CFAP221: variants seen among roughly 807,000 people sequenced by gnomAD.
The protein encoded by CFAP221 is cilia- and flagella-associated protein 221.
A neutral mutation model predicts 113.1 loss-of-function variants in CFAP221; 97 were observed. The ratio of observed to expected loss-of-function variants is 0.86; its 90% confidence interval spans 0.73 to 1.02. The LOEUF (loss-of-function observed/expected upper bound fraction) is 1.02, where lower values mean the gene tolerates loss of function less well. CFAP221 is among the 50% of genes least tolerant of loss of function. The pLI is 0.00. For synonymous variants in CFAP221, 331 were observed against 354.4 expected (o/e 0.93, Z 0.74); for missense variants, 1,025 against 1,013.4 (o/e 1.01, Z -0.16).
intron 12 of CFAP221, among the ~76,000 whole-genome samples, chr2:119,609,725 C>T (rs1685021567): frequency 6.6e-6 from 1 of 152,164 alleles, no homozygotes; most frequent in Non-Finnish European, 1.5e-5. Context: ...CACAATTCAA[C>T]CCATAACACA....
At position 119,600,562 on chromosome 2, in the gene CFAP221, A is replaced by G. The variant is rs547611316; in HGVS notation, c.632-656A>G. Among the ~76,000 whole-genome samples the G allele has an allele frequency of 3.5e-4, 54 of 152,290 alleles. No individual in the cohort carries two copies. In the Middle Eastern group the frequency reaches 0.01, roughly 29 times the overall value. On this transcript the variant is annotated intron_variant, in intron 7 of 23. Transcript: ENST00000413369. Reference sequence around the variant, plus strand: ...AAAGGATTAATATAGTAATTAATAAATAAGATCAATGTAAACATGCAGAAG... The same window carrying G: ...AAAGGATTAATATAGTAATTAATAAGTAAGATCAATGTAAACATGCAGAAG...
intron 23 of CFAP221, among the ~76,000 whole-genome samples, chr2:119,654,675 C>T (rs373005094): frequency 6.6e-6 from 1 of 152,148 alleles, no homozygotes; most frequent in Non-Finnish European, 1.5e-5. Flanking sequence ...GAACTATAAA[C>T]ATTTTCTGCA....
chr2:119,656,528 G>C lies in CFAP221; in HGVS notation c.*58G>C. Reference sequence around the variant, plus strand: ...TTTCCGTGGGCCACTGTGGCCCCTTGCGTCCATTTACATGCCAGCCATCTC... The same window carrying C: ...TTTCCGTGGGCCACTGTGGCCCCTTCCGTCCATTTACATGCCAGCCATCTC... On this transcript the variant is annotated 3_prime_UTR_variant, in exon 24 of 24. Transcript: ENST00000413369. 1 of 1,232,566 alleles carries C rather than the reference G, an allele frequency of 8.1e-7. No individual in the cohort carries two copies. The allele number at this position is 1,232,566 out of a possible 1,614,324, so 76.4% of individuals were successfully genotyped here. A position where few individuals can be genotyped will look rare whatever the true frequency, so the allele number is the denominator to read the frequency against.
At chr2:119,565,573 A>G (rs1217645165) in intron 6 of CFAP221, among the ~76,000 whole-genome samples, 1 of 152,262 alleles carries the variant, frequency 6.6e-6, no homozygotes, top group Admixed American at 6.5e-5. Context: ...TACTTTGTAT[A>G]TAACACCATT....
intron 2 of CFAP221, among the ~76,000 whole-genome samples, chr2:119,546,557 C>T (rs1558900355): frequency 6.6e-6 from 1 of 152,108 alleles, no homozygotes; most frequent in East Asian, 1.9e-4. Context: ...AGCTGGGACT[C>T]CTCCCCCACC....
chr2:119,563,770 G>A (rs1242571480), intron 6 of CFAP221, among the ~76,000 whole-genome samples: 5 of 152,196 alleles, frequency 3.3e-5, no homozygotes, highest in East Asian at 1.9e-4. Context: ...ATGGGGATAG[G>A]ACCATGTCAT....
At chr2:119,606,932 C>T (rs1449207889) in intron 11 of CFAP221, among the ~76,000 whole-genome samples, 2 of 152,134 alleles carry the variant, frequency 1.3e-5, no homozygotes, top group Non-Finnish European at 2.9e-5. Flanking sequence ...ACCTTTTTCC[C>T]CTGAGCCATT....
chr2:119,556,348 A>G (rs1325032975), intron 3 of CFAP221: 1 of 152,188 alleles, frequency 6.6e-6, no homozygotes, highest in Non-Finnish European at 1.5e-5. Context: ...CTGAGCTCCT[A>G]TTAACTAAAT....
downstream of CFAP221, among the ~76,000 whole-genome samples, chr2:119,659,752 C>G (rs1688554166): frequency 6.6e-6 from 1 of 152,226 alleles, no homozygotes; most frequent in Non-Finnish European, 1.5e-5. Flanking sequence ...ATGCTATTCC[C>G]TATGACCTCA....
At chr2:119,553,995 T>G (rs1288188830) in intron 3 of CFAP221, among the ~76,000 whole-genome samples, 1 of 152,154 alleles carries the variant, frequency 6.6e-6, no homozygotes, top group Non-Finnish European at 1.5e-5. Flanking sequence ...ACTGCTTCGA[T>G]CAGACATTAA....
intron 3 of CFAP221, among the ~76,000 whole-genome samples, 165 bp downstream of exon 3, chr2:119,549,350 A>G (rs893367894): frequency 2.0e-5 from 3 of 152,192 alleles, no homozygotes; most frequent in East Asian, 3.8e-4. Context: ...GGTTGCATCA[A>G]TGTCTTGGAC....
Position 119,546,193 on chromosome 2 carries a change from C to G in CFAP221, c.62C>G (p.Ala21Gly). 6.5e-7 allele frequency: 1 copy of G among 1,535,724 alleles called. No individual in the cohort carries two copies. Among genetic ancestry groups the G allele is most frequent in the Non-Finnish European group, 8.7e-7 (1 of 1,146,722 alleles). ...LKNAKEPFNN[A>G]SPHLLKNLVE... ...AATGCTAAAGAACCCTTTAATAATG[C>G]ATCACCCCATCTCTTGAAGAACCTA... The change falls in exon 2 of 24, where the codon GCA becomes GGA. Residue 21 changes from alanine (A) to glycine (G), a missense_variant. Coordinates refer to ENST00000413369, the MANE Select transcript of CFAP221 (RefSeq NM_001271049.2).
intron 1 of CFAP221, chr2:119,545,317 G>C (rs1028810978): frequency 2.0e-5 from 3 of 152,232 alleles, no homozygotes; most frequent in African/African-American, 7.2e-5. Flanking sequence ...TGTGAGATTT[G>C]TAAAATGTTG....
chr2:119,547,668 C>T (rs977476377), intron 2 of CFAP221, among the ~76,000 whole-genome samples: 1 of 152,118 alleles, frequency 6.6e-6, no homozygotes, highest in South Asian at 2.1e-4. Context: ...CTACAGAGAT[C>T]GTCAGTTCCC....
chr2:119,628,057 C>G (rs1466712718), intron 16 of CFAP221, among the ~76,000 whole-genome samples: 1 of 152,180 alleles, frequency 6.6e-6, no homozygotes, highest in African/African-American at 2.4e-5. Flanking sequence ...CCCAACTGCC[C>G]TGGAACTGCG....
At chr2:119,621,399 C>T (rs1327009117) in intron 14 of CFAP221, among the ~76,000 whole-genome samples, 1 of 152,154 alleles carries the variant, frequency 6.6e-6, no homozygotes, top group Non-Finnish European at 1.5e-5. Context: ...AAAGCAAGCT[C>T]TCAGAGACTA....
chr2:119,633,049 A>G (rs1686887482), intron 19 of CFAP221, among the ~76,000 whole-genome samples: 1 of 152,108 alleles, frequency 6.6e-6, no homozygotes, highest in Admixed American at 6.5e-5. Context: ...CCAGAAATAT[A>G]TTCATTCATA....
At chr2:119,578,819 C>G (rs1289352217) in intron 6 of CFAP221, among the ~76,000 whole-genome samples, 1 of 152,088 alleles carries the variant, frequency 6.6e-6, no homozygotes, top group Non-Finnish European at 1.5e-5. Flanking sequence ...TCTTCACCCC[C>G]CTCTCTAGAT....
chr2:119,589,824 T>A (rs1683474853), intron 7 of CFAP221: 1 of 152,072 alleles, frequency 6.6e-6, no homozygotes, highest in Non-Finnish European at 1.5e-5. Flanking sequence ...CTGGAGAAAA[T>A]GAATAAAGGA....
Sources: gnomAD v4.1 joint callset for allele counts (sites outside exome capture counted in the v4.1 genomes callset) on GRCh38, gnomAD v4.1.1 for gene constraint, MANE v1.5 for transcripts, NCBI Gene and HGNC (gene_info 2026-07-23, HGNC 2026-07-21) for gene names.